The following CSMD1 variants were observed in gnomAD, a reference collection of about 807,000 sequenced individuals.
CSMD1 encodes CUB and Sushi multiple domains 1, also known as CUB and sushi domain-containing protein 1.
In CSMD1, 213 loss-of-function variants were observed where a neutral mutation model predicts 417.5. The observed-to-expected ratio is 0.51, with a 90% CI of 0.46 to 0.57. CSMD1 has a LOEUF of 0.57. Ranked by LOEUF, CSMD1 falls within the 20% of genes least tolerant of loss-of-function variation. CSMD1 has a pLI of 0.00. For synonymous variants in CSMD1, 2,862 were observed against 1,736.8 expected, an observed-to-expected ratio of 1.65 and a Z score of -16.11; for missense variants, 6,923 against 4,529.7, an observed-to-expected ratio of 1.53 and a Z score of -15.17.
At chr8:3,794,747 A>C (rs981773823) in intron 5 of CSMD1, among the ~76,000 whole-genome samples, 1 of 152,120 alleles carries the variant, frequency 6.6e-6, no homozygotes, top group African/African-American at 2.4e-5. Context: ...TGCAACTTCC[A>C]GGTCAAGACT....
rs538938134 is a variant in CSMD1 at position 3,597,950 on chromosome 8, C to T, written c.1098-11690G>A. On this transcript the variant is annotated intron_variant, in intron 8 of 69. Coordinates refer to ENST00000635120, the MANE Select transcript of CSMD1 (RefSeq NM_033225.6). ...TATATACATATGTAACAAACCTGCA[C>T]GTTGTGCACATGTACCCCAGAACTT... is the stretch of plus-strand genomic sequence containing the variant. 1.4e-4 allele frequency among the ~76,000 whole-genome samples: 22 copies of T among 152,270 alleles called. No individual in the cohort carries two copies. The South Asian group carries it at 2.3e-3, about 16-fold the overall frequency.
intron 2 of CSMD1, among the ~76,000 whole-genome samples, chr8:4,471,584 G>A (rs947137564): frequency 2.0e-5 from 3 of 152,038 alleles, no homozygotes; most frequent in Non-Finnish European, 4.4e-5. Context: ...GTTTTAGAGA[G>A]AGGTGCAGGG....
chr8:4,956,928 C>A (rs76705240), intron 1 of CSMD1, among the ~76,000 whole-genome samples: 16,187 of 152,118 alleles, frequency 0.11, 1,541 homozygotes, highest in African/African-American at 0.26. Context: ...CATTCAATTG[C>A]ACTGGACACA....
intron 2 of CSMD1, among the ~76,000 whole-genome samples, chr8:4,443,068 G>C (rs1330345147): frequency 1.3e-5 from 2 of 152,162 alleles, no homozygotes; most frequent in African/African-American, 2.4e-5. Context: ...TTTGAGAAGA[G>C]TCAGAGGTGG....
At chr8:3,657,385 G>A (rs937679672) in intron 7 of CSMD1, among the ~76,000 whole-genome samples, 3 of 152,026 alleles carry the variant, frequency 2.0e-5, no homozygotes, top group Non-Finnish European at 2.9e-5. Flanking sequence ...CTATAAAACT[G>A]TATGGTATCA....
At chr8:3,109,046 C>G (rs926067680) in intron 43 of CSMD1, among the ~76,000 whole-genome samples, 3 of 152,146 alleles carry the variant, frequency 2.0e-5, no homozygotes, top group African/African-American at 7.2e-5. Context: ...AGGCAGATCA[C>G]CTGAGGTCAG....
rs150199087 is a variant in CSMD1, at chr8:4,161,899, A to C, written c.416-129800T>G. Reference sequence around the variant, plus strand: ...GATTTTATAATGGTTCAGTAAGTCAAGACTTCATCAGTTCATATCCCTTTC... The same window carrying C: ...GATTTTATAATGGTTCAGTAAGTCACGACTTCATCAGTTCATATCCCTTTC... On this transcript the variant is annotated intron_variant, in intron 3 of 69. Transcript: ENST00000635120. Among the ~76,000 whole-genome samples, 1,507 of 152,314 alleles carry C rather than the reference A, an allele frequency of 9.9e-3. 20 individuals carry two copies. Among genetic ancestry groups the C allele is most frequent in the African/African-American group, 0.034 (1,417 of 41,584 alleles).
At chr8:3,243,066 T>C (rs1277539357) in intron 26 of CSMD1, among the ~76,000 whole-genome samples, 1 of 151,710 alleles carries the variant, frequency 6.6e-6, no homozygotes, top group African/African-American at 2.4e-5. Flanking sequence ...ATGAAAGGAA[T>C]TGAAATTAAC....
chr8:4,329,833 G>A (rs1034810934), intron 3 of CSMD1, among the ~76,000 whole-genome samples: 1 of 144,902 alleles, frequency 6.9e-6, no homozygotes, highest in African/African-American at 2.6e-5. Flanking sequence ...AAAAAAGTGT[G>A]TGGCACCACC....
At chr8:3,225,407 T>C (rs1585709853) in intron 27 of CSMD1, among the ~76,000 whole-genome samples, 1 of 150,440 alleles carries the variant, frequency 6.6e-6, no homozygotes, top group Non-Finnish European at 1.5e-5. Context: ...TTTTTTTTAA[T>C]GAATTTGAAT....
intron 6 of CSMD1, among the ~76,000 whole-genome samples, chr8:3,725,145 A>G (rs955017921): frequency 5.9e-5 from 9 of 152,116 alleles, no homozygotes; most frequent in Non-Finnish European, 8.8e-5. Flanking sequence ...GATAGATAGG[A>G]AAGGGACTAA....
chr8:3,171,809 T>C (rs191857334), intron 37 of CSMD1, among the ~76,000 whole-genome samples: 122 of 152,340 alleles, frequency 8.0e-4, no homozygotes, highest in Non-Finnish European at 1.4e-3. Context: ...TGTAGTATCA[T>C]CCTTTAGATT....
At chr8:4,939,028 C>T (rs538553513) in intron 1 of CSMD1, among the ~76,000 whole-genome samples, 5 of 152,234 alleles carry the variant, frequency 3.3e-5, no homozygotes, top group South Asian at 4.1e-4. Flanking sequence ...ATGTTTTCTA[C>T]GTGTTGTACA....
chr8:4,150,409 T>C (rs748882712), intron 3 of CSMD1, among the ~76,000 whole-genome samples: 2 of 152,210 alleles, frequency 1.3e-5, no homozygotes, highest in Non-Finnish European at 2.9e-5. Flanking sequence ...GTGGACTCTC[T>C]TATCTTTGGA....
intron 3 of CSMD1, among the ~76,000 whole-genome samples, chr8:4,063,039 G>C (rs375175953): frequency 6.6e-6 from 1 of 152,124 alleles, no homozygotes; most frequent in African/African-American, 2.4e-5. Flanking sequence ...AGGAAGAAAC[G>C]TTGGCTAATA....
At chr8:3,898,517 G>C (rs1272046315) in intron 5 of CSMD1, among the ~76,000 whole-genome samples, 2 of 152,180 alleles carry the variant, frequency 1.3e-5, no homozygotes, top group Non-Finnish European at 2.9e-5. Flanking sequence ...ATACCTGAGA[G>C]TCTGTCATAT....
intron 3 of CSMD1, among the ~76,000 whole-genome samples, chr8:4,093,008 T>G (rs935485915): frequency 6.6e-6 from 1 of 152,166 alleles, no homozygotes; most frequent in African/African-American, 2.4e-5. Context: ...AAAAGACCAC[T>G]GAGGAATGCT....
intron 7 of CSMD1, among the ~76,000 whole-genome samples, chr8:3,674,125 C>G (rs55931443): frequency 6.6e-6 from 1 of 151,914 alleles, no homozygotes. Flanking sequence ...AAAAAATCTC[C>G]CTAGAAACTG....
intron 2 of CSMD1, among the ~76,000 whole-genome samples, chr8:4,517,252 T>G (rs1803174875): frequency 6.6e-6 from 1 of 152,182 alleles, no homozygotes; most frequent in African/African-American, 2.4e-5. Flanking sequence ...GAAATAATCA[T>G]TCAGAGAGTA....
Sources: allele counts gnomAD v4.1 joint callset (sites outside exome capture counted in the v4.1 genomes callset), GRCh38; gene constraint gnomAD v4.1.1; transcripts MANE v1.5; gene names NCBI Gene and HGNC (gene_info 2026-07-23, HGNC 2026-07-21).